THSD7B: variants seen among roughly 807,000 people sequenced by gnomAD.
The protein encoded by THSD7B is thrombospondin type-1 domain-containing protein 7B.
THSD7B carries 138 observed loss-of-function variants against 213.6 expected under a neutral mutation model. The ratio of observed to expected loss-of-function variants is 0.65; its 90% CI spans 0.56 to 0.74. The LOEUF is 0.74. THSD7B is among the 30% of genes least tolerant of loss of function. The pLI is 0.00. For synonymous variants in THSD7B, 742 were observed against 687.0 expected (o/e 1.08, Z -1.25); for missense variants, 1,931 against 1,991.5 (o/e 0.97, Z 0.58).
intron 5 of THSD7B, among the ~76,000 whole-genome samples, chr2:137,127,309 C>A (rs891174799): frequency 1.3e-5 from 2 of 152,146 alleles, no homozygotes; most frequent in Non-Finnish European, 2.9e-5. Flanking sequence ...CATACCACAA[C>A]GTGATTCCAA....
At chr2:137,302,314 T>A (rs1683626099) in intron 12 of THSD7B, among the ~76,000 whole-genome samples, 1 of 152,030 alleles carries the variant, frequency 6.6e-6, no homozygotes, top group Non-Finnish European at 1.5e-5. Context: ...AAGATGCCAG[T>A]GGTGCATGGA....
At chr2:137,040,367 TCTC>T (rs1686856960) in intron 2 of THSD7B, among the ~76,000 whole-genome samples, 1 of 150,936 alleles carries the variant, frequency 6.6e-6, no homozygotes, top group African/African-American at 2.4e-5. Flanking sequence ...TTCTTTTTCT[TCTC>T]CTTCTCCTCC....
intron 17 of THSD7B, among the ~76,000 whole-genome samples, chr2:137,601,348 T>G (rs1682073047): frequency 1.3e-5 from 2 of 152,304 alleles, no homozygotes; most frequent in African/African-American, 4.8e-5. Context: ...CCTATAGAGG[T>G]GTACCATTTT....
At chr2:137,203,855 C>T (rs139183132) in intron 7 of THSD7B, among the ~76,000 whole-genome samples, 107 of 152,104 alleles carry the variant, frequency 7.0e-4, no homozygotes, top group East Asian at 1.9e-3. Context: ...CACACACACA[C>T]GTTTGCATGA....
intron 2 of THSD7B, chr2:136,990,919 T>C (rs1685768559): frequency 2.2e-6 from 3 of 1,349,332 alleles, no homozygotes; most frequent in Non-Finnish European, 3.0e-6. Context: ...TGAGGTGGTT[T>C]TGTATCACAA....
At chr2:137,245,036 T>C (rs1427157464) in intron 10 of THSD7B, among the ~76,000 whole-genome samples, 1 of 152,180 alleles carries the variant, frequency 6.6e-6, no homozygotes, top group East Asian at 1.9e-4. Flanking sequence ...TGTAAGAAGC[T>C]AGGGCCCCCT....
chr2:137,571,723 T>C (rs771473746), intron 16 of THSD7B, among the ~76,000 whole-genome samples: 1 of 152,202 alleles, frequency 6.6e-6, no homozygotes, highest in Non-Finnish European at 1.5e-5. Context: ...AGTACTTATC[T>C]CAAAACCTGA....
chr2:136,837,950 A>G (rs1270851714), intron 1 of THSD7B, among the ~76,000 whole-genome samples: 1 of 152,178 alleles, frequency 6.6e-6, no homozygotes, highest in Non-Finnish European at 1.5e-5. Context: ...CCTGAGTTAC[A>G]TTCTGGCTGT....
rs142330731 is a variant in THSD7B at position 137,120,082 on chromosome 2, G to A, written c.1369+4789G>A. Among the ~76,000 whole-genome samples the A allele has an allele frequency of 7.0e-4, 107 of 152,186 alleles. 1 individual carries two copies. In the Middle Eastern group the frequency reaches 0.01, roughly 15 times the overall value. On this transcript the variant is annotated intron_variant, in intron 5 of 27. Transcript: ENST00000409968. ...ATGAGACTGTTTAAGTGGGCTTATAGCATTTTCTCTTGCTTTATGCTAAGA... is the reference window on the plus strand; with the variant it reads ...ATGAGACTGTTTAAGTGGGCTTATAACATTTTCTCTTGCTTTATGCTAAGA...
At chr2:136,945,697 C>T (rs1558862611) in intron 2 of THSD7B, among the ~76,000 whole-genome samples, 1 of 152,032 alleles carries the variant, frequency 6.6e-6, no homozygotes, top group African/African-American at 2.4e-5. Flanking sequence ...CTAAACTTCT[C>T]TTCTTGCTTT....
intron 1 of THSD7B, among the ~76,000 whole-genome samples, chr2:136,797,059 A>G (rs1227695931): frequency 1.3e-5 from 2 of 151,848 alleles, no homozygotes; most frequent in Non-Finnish European, 2.9e-5. Context: ...GAAAAGAAAT[A>G]ATAATTAGGA....
chr2:137,639,959 C>T (rs1397493616), intron 20 of THSD7B, among the ~76,000 whole-genome samples: 3 of 152,120 alleles, frequency 2.0e-5, no homozygotes, highest in Admixed American at 6.5e-5. Context: ...AGACTTTGGA[C>T]TGTGGACTTT....
At chr2:137,494,785 G>A (rs781517371) in intron 15 of THSD7B, among the ~76,000 whole-genome samples, 12 of 152,110 alleles carry the variant, frequency 7.9e-5, no homozygotes, top group East Asian at 3.9e-4. Flanking sequence ...ATGCCTCTAT[G>A]GACACCCCTC....
rs564015488 is a variant in THSD7B, at chr2:137,155,369, C to T, written c.1370-4844C>T. On this transcript the variant is annotated intron_variant, in intron 5 of 27. Transcript: ENST00000409968. Reference sequence around the variant, plus strand: ...CTGGAGGAAGTGGGATAGCACAGACCTGCTCCTAGGGCCTCATTGCATTAA... The same window carrying T: ...CTGGAGGAAGTGGGATAGCACAGACTTGCTCCTAGGGCCTCATTGCATTAA... Among the ~76,000 whole-genome samples the T allele has an allele frequency of 2.0e-5, 3 of 152,290 alleles. No homozygotes were observed. The South Asian group carries it at 6.2e-4, about 32-fold the overall frequency.
intron 15 of THSD7B, among the ~76,000 whole-genome samples, chr2:137,481,372 T>C (rs1421915138): frequency 6.6e-6 from 1 of 152,230 alleles, no homozygotes; most frequent in African/African-American, 2.4e-5. Context: ...TCTATGACAG[T>C]TGTAAAATTC....
chr2:137,606,410 G>A (rs574657429), intron 17 of THSD7B, among the ~76,000 whole-genome samples: 22 of 152,212 alleles, frequency 1.4e-4, no homozygotes, highest in African/African-American at 4.8e-4. Context: ...GAGAGGAAAG[G>A]GGCCCTGCAT....
intron 12 of THSD7B, among the ~76,000 whole-genome samples, chr2:137,386,909 C>T (rs1685908773): frequency 6.6e-6 from 1 of 152,180 alleles, no homozygotes; most frequent in Admixed American, 6.5e-5. Flanking sequence ...CTATGAGACA[C>T]ACTGAGAATT....
chr2:137,583,364 T>C (rs1219732211), intron 17 of THSD7B, among the ~76,000 whole-genome samples: 4 of 152,254 alleles, frequency 2.6e-5, no homozygotes, highest in African/African-American at 9.6e-5. Flanking sequence ...TTGTCAATTT[T>C]GGCTTTTGTT....
At chr2:137,029,064 G>C (rs1284339361) in intron 2 of THSD7B, among the ~76,000 whole-genome samples, 1 of 142,388 alleles carries the variant, frequency 7.0e-6, no homozygotes, top group East Asian at 2.1e-4. Context: ...AGCATTTTCT[G>C]ATGTCTTTGT....
Sources: gnomAD v4.1 joint callset for allele counts (sites outside exome capture counted in the v4.1 genomes callset) on GRCh38, gnomAD v4.1.1 for gene constraint, MANE v1.5 for transcripts, NCBI Gene and HGNC (gene_info 2026-07-23, HGNC 2026-07-21) for gene names.